Variants in BANP observed in about 807,000 individuals in gnomAD.
BANP encodes BTG3 associated nuclear protein.
In BANP, 11 loss-of-function variants were observed where a neutral mutation model predicts 68.1. The ratio of observed to expected loss-of-function variants is 0.16; its 90% CI spans 0.10 to 0.27. The LOEUF (loss-of-function observed/expected upper bound fraction) is 0.27, where lower values mean the gene tolerates loss of function less well. Ranked by LOEUF, BANP falls within the 10% of genes least tolerant of loss-of-function variation. The probability of loss-of-function intolerance (pLI) is 1.00; values close to 1 mark genes in which losing one functional copy is unlikely to be tolerated. For synonymous variants in BANP, 329 were observed against 303.2 expected, an observed-to-expected ratio of 1.09 and a Z score of -0.88; for missense variants, 504 against 722.7, an observed-to-expected ratio of 0.70 and a Z score of 3.47.
intron 12 of BANP, among the ~76,000 whole-genome samples, chr16:88,070,814 C>G (rs917123104): frequency 3.9e-5 from 6 of 152,224 alleles, no homozygotes; most frequent in Non-Finnish European, 8.8e-5. Context: ...CACAGCTGTA[C>G]AAAAGCAGCC....
intron 2 of BANP, among the ~76,000 whole-genome samples, chr16:87,977,349 G>A (rs1239649815): frequency 6.6e-6 from 1 of 151,988 alleles, no homozygotes; most frequent in Non-Finnish European, 1.5e-5. Flanking sequence ...AACCCGGGAG[G>A]CGGAGCTTGC....
At chr16:88,013,016 A>C (rs1230108086) in intron 6 of BANP, among the ~76,000 whole-genome samples, 1 of 152,238 alleles carries the variant, frequency 6.6e-6, no homozygotes, top group Non-Finnish European at 1.5e-5. Flanking sequence ...GATATGAGAC[A>C]GTGCCTTCCA....
intron 11 of BANP, among the ~76,000 whole-genome samples, chr16:88,040,585 C>G (rs1209825691): frequency 2.0e-5 from 3 of 151,608 alleles, no homozygotes; most frequent in Non-Finnish European, 2.9e-5. Flanking sequence ...CGGCCCATTC[C>G]CTCTCCTCCC....
intron 4 of BANP, among the ~76,000 whole-genome samples, chr16:87,996,855 C>G (rs1166320370): frequency 6.6e-6 from 1 of 152,212 alleles, no homozygotes; most frequent in Non-Finnish European, 1.5e-5. Context: ...TCTGTGAAAA[C>G]AGTTTAAATA....
chr16:87,968,091 TA>T (rs1365050337), intron 1 of BANP, among the ~76,000 whole-genome samples: 2 of 148,074 alleles, frequency 1.4e-5, no homozygotes, highest in Non-Finnish European at 1.5e-5. Flanking sequence ...TTTTTTTTTT[TA>T]AAGGTTCTGA....
chr16:88,005,251 C>CA (rs1439564641), intron 5 of BANP, among the ~76,000 whole-genome samples: 1 of 152,172 alleles, frequency 6.6e-6, no homozygotes, highest in Non-Finnish European at 1.5e-5. Context: ...GTCAGCCAGG[C>CA]AGATGGCCAG....
intron 4 of BANP, among the ~76,000 whole-genome samples, chr16:88,001,492 A>G (rs1036949916): frequency 6.6e-6 from 1 of 152,250 alleles, no homozygotes; most frequent in African/African-American, 2.4e-5. Context: ...TAGGGACTGC[A>G]TCCTCCTTAA....
At chr16:87,998,774 A>G (rs2068076217) in intron 4 of BANP, among the ~76,000 whole-genome samples, 1 of 143,702 alleles carries the variant, frequency 7.0e-6, no homozygotes, top group African/African-American at 2.6e-5. Flanking sequence ...ACACGTCTCC[A>G]TGCACGCACG....
intron 1 of BANP, among the ~76,000 whole-genome samples, chr16:87,955,162 C>T (rs538870738): frequency 6.6e-6 from 1 of 152,204 alleles, no homozygotes; most frequent in Admixed American, 6.5e-5. Context: ...GGTGAGCGTA[C>T]TGGGAGCATG....
intron 2 of BANP, 143 bp downstream of exon 2, chr16:87,975,328 A>G (rs962907780): frequency 5.0e-5 from 41 of 817,318 alleles, no homozygotes; most frequent in Non-Finnish European, 4.6e-5. Flanking sequence ...TAGAGATGTG[A>G]ACACTGTCGG....
At chr16:87,978,706 A>G (rs775717726) in intron 2 of BANP, 16 of 467,152 alleles carry the variant, frequency 3.4e-5, no homozygotes, top group Non-Finnish European at 4.4e-6. Context: ...AATAGCTTAA[A>G]GTTTTTAACA....
intron 3 of BANP, among the ~76,000 whole-genome samples, chr16:87,983,262 T>C (rs201545352): frequency 0.28 from 42,506 of 151,704 alleles, 7,038 homozygotes; most frequent in East Asian, 0.48. Context: ...TCCCTAGACC[T>C]GAAGGAGTGT....
chr16:88,043,185 A>G lies in BANP; in HGVS notation c.1311+5174A>G, dbSNP rs1019920234. Among the ~76,000 whole-genome samples the G allele has an allele frequency of 1.0e-3, 152 of 152,256 alleles. 1 individual carries two copies. The highest frequency in any genetic ancestry group is 3.5e-3 in the African/African-American group (146 of 41,528). On this transcript the variant is annotated intron_variant, in intron 11 of 13. Coordinates refer to ENST00000682872, the MANE Select transcript of BANP (RefSeq NM_001386991.1). ...TCATGCACCTAATCTGCTGCCTTCCAGGGAAGCCAAACAGCCACTGCTGTT... is the reference window on the plus strand; with the variant it reads ...TCATGCACCTAATCTGCTGCCTTCCGGGGAAGCCAAACAGCCACTGCTGTT...
At chr16:87,995,941 A>T (rs1450108805) in intron 4 of BANP, among the ~76,000 whole-genome samples, 4 of 152,258 alleles carry the variant, frequency 2.6e-5, no homozygotes, top group Admixed American at 2.6e-4. Context: ...CTGAGCGTTC[A>T]GTGCAGACGT....
chr16:87,969,028 ATACT>A (rs2060636655), intron 1 of BANP, among the ~76,000 whole-genome samples: 1 of 152,172 alleles, frequency 6.6e-6, no homozygotes, highest in Non-Finnish European at 1.5e-5. Flanking sequence ...CATATCTGAC[ATACT>A]TCTTAAAAAT....
intron 1 of BANP, among the ~76,000 whole-genome samples, chr16:87,972,782 G>A (rs991018576): frequency 3.2e-4 from 48 of 152,180 alleles, no homozygotes; most frequent in Admixed American, 2.4e-3. Context: ...TCCGTGCCCT[G>A]CACATTTTGT....
At chr16:88,026,407 C>G (rs2076999504) in intron 7 of BANP, among the ~76,000 whole-genome samples, 1 of 152,222 alleles carries the variant, frequency 6.6e-6, no homozygotes, top group Admixed American at 6.5e-5. Flanking sequence ...GTCTTGCAGT[C>G]CGTTGTCATC....
chr16:88,025,197 C>G (rs2076751460), intron 7 of BANP, among the ~76,000 whole-genome samples: 1 of 152,178 alleles, frequency 6.6e-6, no homozygotes, highest in African/African-American at 2.4e-5. Flanking sequence ...TAGCTGGGCT[C>G]TCATGAAACT....
At chr16:88,072,508 C>T (rs2090600014) in intron 13 of BANP, among the ~76,000 whole-genome samples, 1 of 152,258 alleles carries the variant, frequency 6.6e-6, no homozygotes, top group South Asian at 2.1e-4. Flanking sequence ...TCCACACAGC[C>T]CTTTCCTGTG....
Sources: allele counts gnomAD v4.1 joint callset (sites outside exome capture counted in the v4.1 genomes callset), GRCh38; gene constraint gnomAD v4.1.1; transcripts MANE v1.5; gene names NCBI Gene and HGNC (gene_info 2026-07-23, HGNC 2026-07-21).